Variants in SKP2 observed in about 807,000 individuals in gnomAD.
SKP2 encodes the protein S-phase kinase associated protein 2.
Under a neutral mutation model 51.8 loss-of-function variants are expected in SKP2, and 16 were observed. The ratio of observed to expected loss-of-function variants is 0.31; its 90% CI spans 0.21 to 0.47. The LOEUF (loss-of-function observed/expected upper bound fraction) is 0.47, where lower values mean the gene tolerates loss of function less well. SKP2 is among the 20% of genes least tolerant of loss of function. SKP2 has a pLI of 1.00. For synonymous variants in SKP2, 176 were observed against 198.6 expected, an observed-to-expected ratio of 0.89 and a Z score of 0.96; for missense variants, 377 against 505.3, an observed-to-expected ratio of 0.75 and a Z score of 2.43.
intron 7 of SKP2, among the ~76,000 whole-genome samples, chr5:36,172,376 G>A (rs1745503305): frequency 6.6e-6 from 1 of 152,200 alleles, no homozygotes; most frequent in African/African-American, 2.4e-5. Context: ...AAAGGTAGCA[G>A]GGAGCAGTCT....
At chr5:36,166,452 A>C in intron 3 of SKP2, 67 bp from the exon 4 acceptor site, 1 of 1,392,922 alleles carries the variant, frequency 7.2e-7, no homozygotes, top group Non-Finnish European at 1.0e-6. Flanking sequence ...CCTGTTAGTA[A>C]TGTTGTTGAG....
At chr5:36,156,912 C>T (rs2111950815) in intron 2 of SKP2, among the ~76,000 whole-genome samples, 1 of 152,140 alleles carries the variant, frequency 6.6e-6, no homozygotes, top group Middle Eastern at 3.4e-3. Context: ...CTTAGGCAAG[C>T]ATTTTTTCCA....
chr5:36,173,116 G>A (rs144447262), intron 7 of SKP2, among the ~76,000 whole-genome samples: 1 of 151,448 alleles, frequency 6.6e-6, no homozygotes, highest in East Asian at 1.9e-4. Context: ...CCCATTTTCA[G>A]TGACTACATG....
Position 36,184,111 on chromosome 5 carries a change from G to T in SKP2, c.*2080G>T. The T allele has an allele frequency of 1.5e-6, 1 of 664,514 alleles. No homozygotes were observed. The highest frequency in any genetic ancestry group is 2.5e-6 in the Non-Finnish European group (1 of 398,520). 41.2% of individuals were successfully genotyped at this position (664,514 alleles called of 1,614,324 possible). Reference sequence around the variant, plus strand: ...GTTAAAATTTGAAAGCATTTAGTGTGGTATGCCATTTGGCTTAGATACCTC... The same window carrying T: ...GTTAAAATTTGAAAGCATTTAGTGTTGTATGCCATTTGGCTTAGATACCTC... On this transcript the variant is annotated 3_prime_UTR_variant, in exon 10 of 10. Coordinates refer to ENST00000274255, the MANE Select transcript of SKP2 (RefSeq NM_005983.4).
intron 7 of SKP2, among the ~76,000 whole-genome samples, chr5:36,174,512 T>G (rs1745571046): frequency 6.6e-6 from 1 of 152,146 alleles, no homozygotes; most frequent in Admixed American, 6.6e-5. Context: ...TTTCATTTTT[T>G]GGTCATTTAT....
At chr5:36,162,493 G>C (rs573338079) in intron 2 of SKP2, among the ~76,000 whole-genome samples, 1 of 152,256 alleles carries the variant, frequency 6.6e-6, no homozygotes, top group African/African-American at 2.4e-5. Flanking sequence ...GCACAGCACA[G>C]ATCAATTTTA....
chr5:36,185,670 T>G (rs187021189), downstream of SKP2, among the ~76,000 whole-genome samples: 27 of 152,328 alleles, frequency 1.8e-4, no homozygotes, highest in Middle Eastern at 3.4e-3. Flanking sequence ...GTAGGATAGT[T>G]TGAAGTCAGG....
chr5:36,170,584 T>G (rs1250715503), intron 6 of SKP2, 142 bp downstream of exon 6: 5 of 539,600 alleles, frequency 9.3e-6, no homozygotes, highest in Non-Finnish European at 9.8e-6. Context: ...TCTTTTGCCC[T>G]CCTAACTTTC....
chr5:36,168,082 A>G (rs1745347549), intron 4 of SKP2, among the ~76,000 whole-genome samples: 1 of 152,176 alleles, frequency 6.6e-6, no homozygotes, highest in South Asian at 2.1e-4. Flanking sequence ...GTGGGACTAT[A>G]TTGGCAGCAA....
At chr5:36,173,510 C>A (rs970414710) in intron 7 of SKP2, among the ~76,000 whole-genome samples, 1 of 152,186 alleles carries the variant, frequency 6.6e-6, no homozygotes, top group Admixed American at 6.5e-5. Context: ...TTTCCCACAT[C>A]TGGATCTTTC....
At chr5:36,167,031 TAAAAA>T (rs1376135789) in intron 4 of SKP2, among the ~76,000 whole-genome samples, 1 of 151,722 alleles carries the variant, frequency 6.6e-6, no homozygotes, top group Non-Finnish European at 1.5e-5. Context: ...TTCTGATAAA[TAAAAA>T]AAAGTGAGGA....
chr5:36,187,250 A>G (rs1408859220), downstream of SKP2, among the ~76,000 whole-genome samples: 2 of 151,756 alleles, frequency 1.3e-5, no homozygotes, highest in East Asian at 1.9e-4. Flanking sequence ...TTCTGCTCTG[A>G]TCTTAGTTAT....
At chr5:36,172,408 T>A (rs1336914237) in intron 7 of SKP2, among the ~76,000 whole-genome samples, 1 of 152,204 alleles carries the variant, frequency 6.6e-6, no homozygotes, top group African/African-American at 2.4e-5. Context: ...AATATTCAGT[T>A]ACGCTTTATT....
At chr5:36,162,399 T>C (rs927204230) in intron 2 of SKP2, among the ~76,000 whole-genome samples, 113 of 152,376 alleles carry the variant, frequency 7.4e-4, no homozygotes, top group African/African-American at 2.5e-3. Flanking sequence ...CATCTCAGTA[T>C]GGCCTTCCCT....
intron 6 of SKP2, among the ~76,000 whole-genome samples, chr5:36,191,121 A>G (rs578007995): frequency 6.6e-6 from 1 of 152,260 alleles, no homozygotes; most frequent in Admixed American, 6.5e-5. Flanking sequence ...CCCTGGAGTA[A>G]TAGGTTAATC....
At chr5:36,176,309 T>A (rs2112001211) in intron 7 of SKP2, among the ~76,000 whole-genome samples, 1 of 152,042 alleles carries the variant, frequency 6.6e-6, no homozygotes, top group Admixed American at 6.6e-5. Flanking sequence ...TGATACTTTT[T>A]AAATTGTTTT....
intron 7 of SKP2, chr5:36,192,747 C>G (rs373357771): frequency 6.6e-6 from 1 of 152,306 alleles, no homozygotes; most frequent in Admixed American, 6.5e-5. Context: ...CAAATGTTAA[C>G]AGTGAATGAA....
intron 2 of SKP2, among the ~76,000 whole-genome samples, chr5:36,163,417 A>G (rs1330703980): frequency 6.6e-6 from 1 of 152,144 alleles, no homozygotes; most frequent in African/African-American, 2.4e-5. Flanking sequence ...TACATAGATG[A>G]TGGAATGGGG....
intron 2 of SKP2, among the ~76,000 whole-genome samples, chr5:36,162,506 A>G (rs1337723629): frequency 6.6e-6 from 1 of 152,180 alleles, no homozygotes; most frequent in African/African-American, 2.4e-5. Flanking sequence ...CAATTTTACT[A>G]TATCATATAA....
Sources: gnomAD v4.1 joint callset for allele counts (sites outside exome capture counted in the v4.1 genomes callset) on GRCh38, gnomAD v4.1.1 for gene constraint, MANE v1.5 for transcripts, NCBI Gene and HGNC (gene_info 2026-07-23, HGNC 2026-07-21) for gene names.